Variants in CD163L1 observed in about 807,000 individuals in gnomAD.
CD163L1 encodes the protein scavenger receptor cysteine-rich type 1 protein M160.
In CD163L1, 124 loss-of-function variants were observed where a neutral mutation model predicts 165.4. That is an observed-to-expected ratio of 0.75 (90% CI 0.65 to 0.87). The LOEUF is 0.87. Among genes scored for constraint, CD163L1 ranks in the 40% least tolerant of loss-of-function variants. The pLI is 0.00. For synonymous variants in CD163L1, 585 were observed against 662.2 expected (o/e 0.88, Z 1.79); for missense variants, 1,525 against 1,799.9 (o/e 0.85, Z 2.76).
chr12:7,338,095 C>T, the CD163L1 span, among the ~76,000 whole-genome samples: 17 of 152,126 alleles, frequency 1.1e-4, no homozygotes, highest in Non-Finnish European at 2.5e-4. Context: ...TGTTCTCACT[C>T]ACAACTGGGA....
At chr12:7,439,259 G>A in intron 2 of CD163L1, 1 of 1,553,412 alleles carries the variant, frequency 6.4e-7, no homozygotes, top group Non-Finnish European at 8.8e-7. Context: ...TTTTCTTTGG[G>A]ATCTTCTCTT....
chr12:7,335,850 T>C, the CD163L1 span, among the ~76,000 whole-genome samples: 1 of 152,106 alleles, frequency 6.6e-6, no homozygotes, highest in Admixed American at 6.6e-5. Flanking sequence ...GGGCAAAGGA[T>C]ATGAACAGAC....
Position 7,398,700 on chromosome 12 carries a change from G to T in CD163L1, c.1409-116C>A. ...CTTTGCCTAACAGGTGATATATTAG[G>T]CACACTTTTGAATGAAAAGTTTGGT... is the stretch of plus-strand genomic sequence containing the variant. On this transcript the variant is annotated intron_variant, in intron 6 of 19. Coordinates refer to ENST00000313599, the MANE Select transcript of CD163L1 (RefSeq NM_174941.6). This position sits in a 1 kb window ranked among gnomAD's most constrained non-coding sequence, Gnocchi z 4.5. 1 of 783,672 alleles carries T rather than the reference G, an allele frequency of 1.3e-6. No individual in the cohort carries two copies. Among genetic ancestry groups the T allele is most frequent in the Non-Finnish European group, 1.8e-6 (1 of 542,196 alleles). The allele number at this position is 783,672 out of a possible 1,614,324, so 48.5% of individuals were successfully genotyped here. A position where few individuals can be genotyped will look rare whatever the true frequency, so the allele number is the denominator to read the frequency against.
At chr12:7,340,257 G>C in the CD163L1 span, among the ~76,000 whole-genome samples, 4 of 152,026 alleles carry the variant, frequency 2.6e-5, no homozygotes, top group Non-Finnish European at 1.5e-5. Flanking sequence ...AGTAAAACAG[G>C]GTGAAAATAC....
In CD163L1 at chr12:7,369,122, G is replaced by A. The variant is rs2136410128; in HGVS notation, c.4040-157C>T. 2.6e-5 allele frequency among the ~76,000 whole-genome samples: 4 copies of A among 152,284 alleles called. No homozygotes were observed. In the South Asian group the frequency reaches 8.3e-4, roughly 32 times the overall value. ...TTAAAATATCAGTCAGAATCCTCTT[G>A]CTTCAAAGTCTAAGGCCAAATCCAC... On this transcript the variant is annotated intron_variant, in intron 15 of 19. Coordinates refer to ENST00000313599, the MANE Select transcript of CD163L1 (RefSeq NM_174941.6). This position sits in a 1 kb window ranked among gnomAD's most constrained non-coding sequence, Gnocchi z 4.9.
intron 1 of CD163L1, among the ~76,000 whole-genome samples, chr12:7,441,796 G>A (rs1020455792): frequency 1.3e-5 from 2 of 152,196 alleles, no homozygotes; most frequent in African/African-American, 2.4e-5. Flanking sequence ...TATAATAACT[G>A]CTGATTGAGC....
At chr12:7,319,397 C>T in the CD163L1 span, among the ~76,000 whole-genome samples, 2 of 152,040 alleles carry the variant, frequency 1.3e-5, no homozygotes, top group African/African-American at 4.8e-5. Context: ...CAAGACCAGC[C>T]TGGCCAAGAT....
At chr12:7,434,090 G>A (rs1948680282) in intron 2 of CD163L1, among the ~76,000 whole-genome samples, 1 of 152,108 alleles carries the variant, frequency 6.6e-6, no homozygotes, top group South Asian at 2.1e-4. Context: ...TGAAGGAGAT[G>A]TTTTATATAC....
chr12:7,389,176 T>C (rs1305314050), intron 8 of CD163L1, among the ~76,000 whole-genome samples: 1 of 152,208 alleles, frequency 6.6e-6, no homozygotes, highest in Non-Finnish European at 1.5e-5. Context: ...GTGAGGAACC[T>C]CCAAACTGTT....
chr12:7,335,267 C>G, the CD163L1 span, among the ~76,000 whole-genome samples: 1 of 152,286 alleles, frequency 6.6e-6, no homozygotes, highest in East Asian at 1.9e-4. Context: ...GTAACCAAAA[C>G]AGCATGGTAC....
intron 4 of CD163L1, among the ~76,000 whole-genome samples, chr12:7,414,383 T>A (rs1948197175): frequency 6.6e-6 from 1 of 151,738 alleles, no homozygotes; most frequent in Non-Finnish European, 1.5e-5. Context: ...AAAGAACCAA[T>A]GAACTGAAAG....
chr12:7,396,819 GTC>G (rs933638492), intron 7 of CD163L1, among the ~76,000 whole-genome samples: 2 of 151,320 alleles, frequency 1.3e-5, no homozygotes, highest in Non-Finnish European at 2.9e-5. Context: ...ATAAATCTCT[GTC>G]TCTCTCTCTA....
At chr12:7,440,861 A>G (rs935683965) in intron 2 of CD163L1, among the ~76,000 whole-genome samples, 3 of 152,094 alleles carry the variant, frequency 2.0e-5, no homozygotes, top group African/African-American at 7.2e-5. Context: ...TCCTGACCTC[A>G]GGTGATCTCC....
At chr12:7,335,671 A>G in the CD163L1 span, among the ~76,000 whole-genome samples, 1 of 152,210 alleles carries the variant, frequency 6.6e-6, no homozygotes, top group African/African-American at 2.4e-5. Flanking sequence ...ATCTAATTAA[A>G]CTAAAGAGCT....
intron 9 of CD163L1, among the ~76,000 whole-genome samples, chr12:7,377,731 A>C (rs1387480952): frequency 6.6e-6 from 1 of 152,178 alleles, no homozygotes; most frequent in African/African-American, 2.4e-5. Context: ...TTTTTGAAAC[A>C]TCTTCCCTTG....
chr12:7,353,561 G>A (rs1001786743), downstream of CD163L1, among the ~76,000 whole-genome samples: 1 of 151,926 alleles, frequency 6.6e-6, no homozygotes, highest in Non-Finnish European at 1.5e-5. Context: ...ACAACAATAT[G>A]ATTAATGTTG....
intron 2 of CD163L1, among the ~76,000 whole-genome samples, chr12:7,434,917 T>G (rs1948695479): frequency 6.6e-6 from 1 of 152,118 alleles, no homozygotes; most frequent in Non-Finnish European, 1.5e-5. Context: ...AACTAGAAAT[T>G]TTGGTTTCCT....
chr12:7,442,363 C>T (rs1948842115), intron 1 of CD163L1, among the ~76,000 whole-genome samples: 1 of 152,308 alleles, frequency 6.6e-6, no homozygotes, highest in Admixed American at 6.5e-5. Context: ...TACGCAAAAG[C>T]AGAGACAGAA....
chr12:7,421,207 G>T (rs1263383162), intron 4 of CD163L1, among the ~76,000 whole-genome samples: 2 of 128,888 alleles, frequency 1.6e-5, no homozygotes, highest in Non-Finnish European at 3.2e-5. Context: ...ATATATATGG[G>T]TATATATATG....
Sources: allele counts gnomAD v4.1 joint callset (sites outside exome capture counted in the v4.1 genomes callset), GRCh38; gene constraint gnomAD v4.1.1; non-coding constraint Gnocchi (gnomAD v3.1); transcripts MANE v1.5; gene names NCBI Gene and HGNC (gene_info 2026-07-23, HGNC 2026-07-21).